Variants in EPHA6 observed in about 807,000 individuals in gnomAD.
EPHA6 encodes the protein ephrin type-A receptor 6.
Under a neutral mutation model 112.0 loss-of-function variants are expected in EPHA6, and 50 were observed. The observed-to-expected ratio is 0.45, with a 90% CI of 0.36 to 0.56. The LOEUF (loss-of-function observed/expected upper bound fraction) is 0.56. EPHA6 is among the 20% of genes least tolerant of loss of function. The pLI, the probability that EPHA6 is intolerant of heterozygous loss-of-function variation, is 0.00. For missense variants in EPHA6, 1,280 were observed against 1,417.4 expected, an observed-to-expected ratio of 0.90 and a Z score of 1.56; for synonymous variants, 529 against 490.7, an observed-to-expected ratio of 1.08 and a Z score of -1.03.
intron 1 of EPHA6, among the ~76,000 whole-genome samples, chr3:96,862,098 A>T (rs897022323): frequency 6.6e-6 from 1 of 152,138 alleles, no homozygotes; most frequent in Admixed American, 6.6e-5. Context: ...TAAAGCATTT[A>T]AACAGTATTA....
At chr3:97,288,897 A>G (rs1252820608) in intron 5 of EPHA6, among the ~76,000 whole-genome samples, 1 of 133,290 alleles carries the variant, frequency 7.5e-6, no homozygotes, top group Non-Finnish European at 1.6e-5. Flanking sequence ...GTGTCTGTCC[A>G]TATCTTTTGC....
At chr3:97,197,868 T>A (rs1212904499) in intron 3 of EPHA6, among the ~76,000 whole-genome samples, 6 of 152,004 alleles carry the variant, frequency 3.9e-5, no homozygotes, top group Admixed American at 1.3e-4. Flanking sequence ...AATGGACAAT[T>A]CCTTTCTGGC....
chr3:97,354,350 T>C (rs2083958496), intron 5 of EPHA6, among the ~76,000 whole-genome samples: 1 of 152,084 alleles, frequency 6.6e-6, no homozygotes, highest in South Asian at 2.1e-4. Flanking sequence ...AAAATAGCTG[T>C]TTTGAGGAAG....
chr3:97,044,005 ATCTC>A (rs1410062029), intron 3 of EPHA6, among the ~76,000 whole-genome samples: 5 of 152,130 alleles, frequency 3.3e-5, no homozygotes, highest in Non-Finnish European at 5.9e-5. Context: ...TTCCTACATC[ATCTC>A]TCTCTATTTC....
At chr3:97,048,359 G>T (rs1175178768) in intron 3 of EPHA6, among the ~76,000 whole-genome samples, 1 of 152,142 alleles carries the variant, frequency 6.6e-6, no homozygotes, top group East Asian at 1.9e-4. Context: ...TGAACAAAAG[G>T]CATAGAGGTG....
In EPHA6 at chr3:96,987,488, G is replaced by C; in HGVS notation, c.609G>C (p.Arg203Ser). ...ATGTGGAAATGAAATTCACACTAAG[G>C]GATTGTAACAGCATCCCATGGGTCT... ...KIYVEMKFTL[R>S]DCNSIPWVLG... Residue 203 changes from arginine to serine, a missense_variant, in exon 3 of 18, where the codon AGG becomes AGC. Arg to Ser is a moderately radical substitution (Grantham distance 110). This residue lies in a region of EPHA6 where 878 missense variants were observed against 999.7 expected (regional missense o/e 0.88). Transcript: ENST00000389672. 6.2e-7 allele frequency: 1 copy of C among 1,613,860 alleles called. No individual in the cohort carries two copies. Among genetic ancestry groups the C allele is most frequent in the South Asian group, 1.1e-5 (1 of 91,084 alleles).
chr3:97,218,335 T>A (rs940083297), intron 3 of EPHA6, among the ~76,000 whole-genome samples: 5 of 152,102 alleles, frequency 3.3e-5, no homozygotes, highest in African/African-American at 1.2e-4. Context: ...TTCATAGTGC[T>A]ATAAAGAACT....
At chr3:96,894,981 A>G (rs2038185514) in intron 2 of EPHA6, among the ~76,000 whole-genome samples, 1 of 152,212 alleles carries the variant, frequency 6.6e-6, no homozygotes, top group African/African-American at 2.4e-5. Context: ...TTCATGGTGT[A>G]TTATCTACTT....
chr3:97,448,756 T>C (rs2090432999), intron 7 of EPHA6, 26 bp downstream of exon 7: 2 of 1,609,970 alleles, frequency 1.2e-6, no homozygotes, highest in South Asian at 2.2e-5. Context: ...GGATATAACA[T>C]AAGATGTGAA....
intron 3 of EPHA6, among the ~76,000 whole-genome samples, chr3:97,225,771 T>G (rs890896826): frequency 1.3e-5 from 2 of 152,244 alleles, no homozygotes; most frequent in Admixed American, 1.3e-4. Flanking sequence ...AAAAGAAAAT[T>G]TAGCCACTAA....
At chr3:97,384,607 T>A (rs777826678) in intron 5 of EPHA6, among the ~76,000 whole-genome samples, 3 of 152,230 alleles carry the variant, frequency 2.0e-5, no homozygotes, top group Non-Finnish European at 4.4e-5. Context: ...ATTCAAACTC[T>A]TGAGCCTGAG....
intron 5 of EPHA6, among the ~76,000 whole-genome samples, chr3:97,376,160 T>C (rs992833458): frequency 7.2e-5 from 11 of 152,286 alleles, no homozygotes; most frequent in South Asian, 6.2e-4. Context: ...CAGTTTATCA[T>C]ATGTAAGTTA....
At chr3:96,958,666 T>C (rs2041851431) in intron 2 of EPHA6, among the ~76,000 whole-genome samples, 2 of 152,120 alleles carry the variant, frequency 1.3e-5, no homozygotes, top group Non-Finnish European at 2.9e-5. Flanking sequence ...CAAACGGTAA[T>C]CTACTTTCTG....
At chr3:97,226,892 A>T (rs1232091714) in intron 4 of EPHA6, among the ~76,000 whole-genome samples, 1 of 152,188 alleles carries the variant, frequency 6.6e-6, no homozygotes, top group Admixed American at 6.5e-5. Flanking sequence ...CTTGACATTT[A>T]TCTTTAAAGG....
chr3:97,627,723 A>G (rs1368487146), intron 13 of EPHA6, among the ~76,000 whole-genome samples: 1 of 151,944 alleles, frequency 6.6e-6, no homozygotes, highest in Non-Finnish European at 1.5e-5. Context: ...AAGAATAGTA[A>G]AAGATAAAAT....
chr3:97,640,933 A>G (rs967573033), intron 14 of EPHA6, among the ~76,000 whole-genome samples: 2 of 152,220 alleles, frequency 1.3e-5, no homozygotes, highest in African/African-American at 4.8e-5. Context: ...CAGTTGGAAT[A>G]AAGAGGAGGA....
At chr3:97,610,061 G>T (rs1576062612) in intron 12 of EPHA6, among the ~76,000 whole-genome samples, 1 of 151,554 alleles carries the variant, frequency 6.6e-6, no homozygotes, top group African/African-American at 2.4e-5. Context: ...TGTACCAATT[G>T]ATATGATAAA....
chr3:97,183,617 C>T (rs550268195), intron 3 of EPHA6, among the ~76,000 whole-genome samples: 2 of 152,076 alleles, frequency 1.3e-5, no homozygotes, highest in Middle Eastern at 3.4e-3. Flanking sequence ...CTCATGTTTT[C>T]TTTAATTAAA....
intron 2 of EPHA6, among the ~76,000 whole-genome samples, chr3:96,949,429 A>G (rs2041431547): frequency 6.6e-6 from 1 of 152,084 alleles, no homozygotes; most frequent in Non-Finnish European, 1.5e-5. Flanking sequence ...TCTATGCCTC[A>G]GTTTCTTTAT....
Sources: gnomAD v4.1 joint callset for allele counts (sites outside exome capture counted in the v4.1 genomes callset) on GRCh38, gnomAD v4.1.1 for gene constraint, gnomAD v4.1.1 regional missense constraint, MANE v1.5 for transcripts, NCBI Gene and HGNC (gene_info 2026-07-23, HGNC 2026-07-21) for gene names.